The following VAV2 variants were observed in gnomAD, a reference collection of about 807,000 sequenced individuals.
VAV2 encodes vav guanine nucleotide exchange factor 2.
In VAV2, 67 loss-of-function variants were observed where a neutral mutation model predicts 132.5. The observed-to-expected ratio is 0.51, with a 90% confidence interval of 0.42 to 0.62. The LOEUF is 0.62. Among genes scored for constraint, VAV2 ranks in the 20% least tolerant of loss-of-function variants. VAV2 has a pLI of 0.00. For synonymous variants in VAV2, 492 were observed against 443.5 expected (o/e 1.11, Z -1.37); for missense variants, 938 against 1,153.6 (o/e 0.81, Z 2.71).
chr9:133,896,538 C>T (rs1187410864), intron 2 of VAV2, among the ~76,000 whole-genome samples: 1 of 152,182 alleles, frequency 6.6e-6, no homozygotes, highest in Non-Finnish European at 1.5e-5. Flanking sequence ...CAGCCACTCT[C>T]GCAGCGTCAG....
chr9:133,783,632 C>T (rs370809185), intron 18 of VAV2, 41 bp from the exon 19 acceptor site: 25 of 1,597,536 alleles, frequency 1.6e-5, no homozygotes, highest in East Asian at 4.5e-5. Flanking sequence ...AGGCTGGGGT[C>T]GGCTCCTCAT....
chr9:133,964,028 T>TATGTAC (rs1564507352), intron 1 of VAV2, among the ~76,000 whole-genome samples: 8 of 72,860 alleles, frequency 1.1e-4, no homozygotes, highest in Non-Finnish European at 2.1e-4. Flanking sequence ...CATTCATATA[T>TATGTAC]ATATATATAT....
intron 4 of VAV2, among the ~76,000 whole-genome samples, chr9:133,829,883 T>C (rs903446160): frequency 1.1e-4 from 17 of 152,128 alleles, no homozygotes; most frequent in African/African-American, 4.1e-4. Flanking sequence ...CCTGAAACTG[T>C]CCTTCGGCTT....
At position 133,779,953 on chromosome 9, in the gene VAV2, G is replaced by C. The variant is rs112783794; in HGVS notation, c.1741-14C>G. 1.9e-6 allele frequency: 3 copies of C among 1,612,422 alleles called. No homozygotes were observed. Among genetic ancestry groups the C allele is most frequent in the Admixed American group, 3.3e-5 (2 of 59,936 alleles). ...TCCGGAGGCGTCCTGTGAGGACAAG[G>C]ACAGAACACAGAGATGAGGGAAGGC... On this transcript the variant is annotated splice_polypyrimidine_tract_variant and intron_variant, in intron 20 of 29. Coordinates refer to ENST00000371850, the MANE Select transcript of VAV2 (RefSeq NM_001134398.2).
rs1318469162 is a variant in VAV2 at position 133,919,683 on chromosome 9, G to A, written c.321+19420C>T. On this transcript the variant is annotated intron_variant, in intron 2 of 29. Transcript: ENST00000371850. This position sits in a 1 kb window ranked among gnomAD's most constrained non-coding sequence, Gnocchi z 5.8. ...AAATATTTCAGTCTCAGATCAGAGAGGAATGTAAGCCGGAAACAGCGCAGA... is the reference window on the plus strand; with the variant it reads ...AAATATTTCAGTCTCAGATCAGAGAAGAATGTAAGCCGGAAACAGCGCAGA... 6.6e-6 allele frequency among the ~76,000 whole-genome samples: 1 copy of A among 152,188 alleles called. No individual in the cohort carries two copies. Among genetic ancestry groups the A allele is most frequent in the Non-Finnish European group, 1.5e-5 (1 of 68,034 alleles).
rs1254436211 is a variant in VAV2 at position 133,884,905 on chromosome 9, A to C, written c.322-23473T>G. On this transcript the variant is annotated intron_variant, in intron 2 of 29. Transcript: ENST00000371850. The surrounding 1 kb of genome is among the most constrained non-coding windows in gnomAD (Gnocchi z 5.3). The stretch of plus-strand genomic sequence containing the variant: ...GCCAGAGGGGCGCAGCGCTGTCCAC[A>C]ACTCACACCCTCAGCCCCACTTCCA... Among the ~76,000 whole-genome samples, 1 of 152,090 alleles carries C rather than the reference A, an allele frequency of 6.6e-6. No individual in the cohort carries two copies. The highest frequency in any genetic ancestry group is 1.5e-5 in the Non-Finnish European group (1 of 68,014).
intron 9 of VAV2, 106 bp downstream of exon 9, chr9:133,805,975 G>T: frequency 8.0e-7 from 1 of 1,253,064 alleles, no homozygotes; most frequent in South Asian, 1.4e-5. Context: ...GGCGGCCCCT[G>T]CCTCGGGACA....
chr9:133,951,590 C>T (rs771682452), intron 1 of VAV2, among the ~76,000 whole-genome samples: 4 of 152,134 alleles, frequency 2.6e-5, no homozygotes, highest in Non-Finnish European at 5.9e-5. Flanking sequence ...CCCTCTCAGC[C>T]TGGACCCCCG....
In VAV2 at chr9:133,969,744, G is replaced by C. The variant is rs2132252482; in HGVS notation, c.204+22331C>G. Among the ~76,000 whole-genome samples, 1 of 152,050 alleles carries C rather than the reference G, an allele frequency of 6.6e-6. No homozygotes were observed. The highest frequency in any genetic ancestry group is 1.5e-5 in the Non-Finnish European group (1 of 67,952). Reference sequence around the variant, plus strand: ...CACCCACTCCTCCTGCGCTCCAGCGGGGCCGTCCATCTCTCTCCATTCCCA... The same window carrying C: ...CACCCACTCCTCCTGCGCTCCAGCGCGGCCGTCCATCTCTCTCCATTCCCA... On this transcript the variant is annotated intron_variant, in intron 1 of 29. Transcript: ENST00000371850. The surrounding 1 kb of genome is among the most constrained non-coding windows in gnomAD (Gnocchi z 5.1).
At chr9:133,949,325 G>C (rs1163689535) in intron 1 of VAV2, among the ~76,000 whole-genome samples, 10 of 152,126 alleles carry the variant, frequency 6.6e-5, no homozygotes, top group Non-Finnish European at 1.5e-4. Flanking sequence ...CTTTCCACAA[G>C]GTCTCCTGGC....
chr9:133,941,792 C>T (rs1480939480), intron 1 of VAV2, among the ~76,000 whole-genome samples: 1 of 152,028 alleles, frequency 6.6e-6, no homozygotes, highest in Non-Finnish European at 1.5e-5. Context: ...TTAGTAGAGA[C>T]GGGGTTTCTC....
At chr9:133,972,711 A>G (rs1013172021) in intron 1 of VAV2, among the ~76,000 whole-genome samples, 1 of 152,152 alleles carries the variant, frequency 6.6e-6, no homozygotes, top group Non-Finnish European at 1.5e-5. Context: ...CACTCACTCC[A>G]GCGAGGGGAA....
intron 2 of VAV2, among the ~76,000 whole-genome samples, chr9:133,889,342 C>T (rs1236443513): frequency 6.6e-6 from 1 of 152,200 alleles, no homozygotes; most frequent in East Asian, 1.9e-4. Flanking sequence ...AGCATGCCCA[C>T]TCTGGGTGCT....
In VAV2 at chr9:133,792,070, T is replaced by C. The variant is rs60412415; in HGVS notation, c.1102-201A>G. On this transcript the variant is annotated intron_variant, in intron 12 of 29. Coordinates refer to ENST00000371850, the MANE Select transcript of VAV2 (RefSeq NM_001134398.2). ...TGTGTGAGCGGACTGTGCTGTGGTG[T>C]GTGTGTGTGAGACAGCATGTGTGTG... Among the ~76,000 whole-genome samples, 4 of 134,398 alleles carry C rather than the reference T, an allele frequency of 3.0e-5. No homozygotes were observed. In the Admixed American group the frequency reaches 3.0e-4, roughly 10 times the overall value. 88.2% of individuals were successfully genotyped at this position (134,398 alleles called of 152,430 possible). A position where few individuals can be genotyped will look rare whatever the true frequency, so the allele number is the denominator to read the frequency against.
chr9:133,807,108 C>T (rs942422530), intron 8 of VAV2, 150 bp downstream of exon 8: 19 of 833,820 alleles, frequency 2.3e-5, no homozygotes, highest in Non-Finnish European at 2.8e-5. Context: ...CTGGAGAGAG[C>T]GGTGGGGGCT....
At position 133,797,828 on chromosome 9, in the gene VAV2, C is replaced by T. The variant is rs373612299; in HGVS notation, c.837-19G>A. The T allele has an allele frequency of 7.3e-5, 117 of 1,605,880 alleles. No homozygotes were observed. The South Asian group carries it at 8.4e-4, about 12-fold the overall frequency. ...CAGAAGCCTGGACGGTGCACACACA[C>T]GCACACACGCACACAGATTTAATGA... is the stretch of plus-strand genomic sequence containing the variant. On this transcript the variant is annotated intron_variant, in intron 9 of 29. Transcript: ENST00000371850.
chr9:133,962,443 AGAGGAGCTGGTGG>A (rs928274078), intron 1 of VAV2, among the ~76,000 whole-genome samples: 1 of 152,108 alleles, frequency 6.6e-6, no homozygotes, highest in Non-Finnish European at 1.5e-5. Flanking sequence ...GTCCCTGCAG[AGAGGAGCTGGTGG>A]GAGGAGCTGG....
chr9:133,891,358 G>A (rs1432063232), intron 2 of VAV2, among the ~76,000 whole-genome samples: 1 of 12,616 alleles, frequency 7.9e-5, no homozygotes, highest in Non-Finnish European at 1.7e-4. Flanking sequence ...TGAAGGGGGA[G>A]GGATAAAGGG....
At chr9:133,967,596 T>C (rs1564511021) in intron 1 of VAV2, among the ~76,000 whole-genome samples, 1 of 152,128 alleles carries the variant, frequency 6.6e-6, no homozygotes, top group African/African-American at 2.4e-5. Flanking sequence ...TGGATGGAAC[T>C]AGAGGTCATT....
Sources: gnomAD v4.1 joint callset for allele counts (sites outside exome capture counted in the v4.1 genomes callset) on GRCh38, gnomAD v4.1.1 for gene constraint, Gnocchi (gnomAD v3.1) non-coding constraint, MANE v1.5 for transcripts, NCBI Gene and HGNC (gene_info 2026-07-23, HGNC 2026-07-21) for gene names.